The following MYO1E variants were observed in gnomAD, a reference collection of about 807,000 sequenced individuals.
The protein encoded by MYO1E is myosin IE.
In MYO1E, 68 loss-of-function variants were observed where a neutral mutation model predicts 151.1. The ratio of observed to expected loss-of-function variants is 0.45; its 90% CI spans 0.37 to 0.55. The LOEUF is 0.55. Among genes scored for constraint, MYO1E ranks in the 20% least tolerant of loss-of-function variants. The pLI is 0.00. For missense variants in MYO1E, 1,363 were observed against 1,389.3 expected, an observed-to-expected ratio of 0.98 and a Z score of 0.30; for synonymous variants, 601 against 501.7, an observed-to-expected ratio of 1.20 and a Z score of -2.64.
In MYO1E at chr15:59,325,161, G is replaced by A. The variant is rs1035488572; in HGVS notation, c.3+47337C>T. ...GCGATTCTCCTGCCTCAGCCCTTCCGAGGAGCTGTGACTACAGGCGCCCGT... is the reference window on the plus strand; with the variant it reads ...GCGATTCTCCTGCCTCAGCCCTTCCAAGGAGCTGTGACTACAGGCGCCCGT... On this transcript the variant is annotated intron_variant, in intron 1 of 27. Coordinates refer to ENST00000288235, the MANE Select transcript of MYO1E (RefSeq NM_004998.4). Among the ~76,000 whole-genome samples the A allele has an allele frequency of 7.2e-5, 11 of 151,970 alleles. No homozygotes were observed. The South Asian group carries it at 8.3e-4, about 12-fold the overall frequency.
intron 1 of MYO1E, among the ~76,000 whole-genome samples, chr15:59,351,150 C>T (rs1445357718): frequency 3.9e-5 from 6 of 152,182 alleles, no homozygotes; most frequent in African/African-American, 9.7e-5. Flanking sequence ...CGGCCCACCT[C>T]GGCCTCCCAA....
Position 59,208,783 on chromosome 15 carries a change from C to T in MYO1E, c.1428G>A (p.Gly476=), listed in dbSNP as rs2079857680. The change falls in exon 14 of 28, where the codon GGG becomes GGA. Residue 476 remains glycine, a synonymous_variant. Transcript: ENST00000288235. ...GTTTCTGGAGCAGCGTCTGATCTGC[C>T]CCCTCACCCACCGCATGCATCGTGG... ...VCATMHAVGE[G]ADQTLLQKLQ... 6.2e-7 allele frequency: 1 copy of T among 1,614,170 alleles called. No individual in the cohort carries two copies. Among genetic ancestry groups the T allele is most frequent in the Non-Finnish European group, 8.5e-7 (1 of 1,180,024 alleles).
At position 59,140,833 on chromosome 15, in the gene MYO1E, G is replaced by A. The variant is rs905522396; in HGVS notation, c.3081-2466C>T. 4.6e-5 allele frequency among the ~76,000 whole-genome samples: 7 copies of A among 152,238 alleles called. No homozygotes were observed. The South Asian group carries it at 8.3e-4, about 18-fold the overall frequency. On this transcript the variant is annotated intron_variant, in intron 26 of 27. Transcript: ENST00000288235. Reference sequence around the variant, plus strand: ...AGACTCGGCTTTTACACCACCCCACGTGGGAGGGAGCAATCCTCAAGGCTA... The same window carrying A: ...AGACTCGGCTTTTACACCACCCCACATGGGAGGGAGCAATCCTCAAGGCTA...
At chr15:59,259,251 A>G (rs1215768651) in intron 3 of MYO1E, among the ~76,000 whole-genome samples, 1 of 152,218 alleles carries the variant, frequency 6.6e-6, no homozygotes, top group African/African-American at 2.4e-5. Flanking sequence ...ATTGGAACAA[A>G]GACTCTAGGT....
intron 14 of MYO1E, among the ~76,000 whole-genome samples, chr15:59,206,166 G>A (rs1242943464): frequency 6.6e-6 from 1 of 152,096 alleles, no homozygotes; most frequent in Non-Finnish European, 1.5e-5. Flanking sequence ...AACACCAAAA[G>A]TGCACTCTGG....
chr15:59,167,674 TTTTA>T (rs1297286442), intron 22 of MYO1E, among the ~76,000 whole-genome samples: 1 of 152,070 alleles, frequency 6.6e-6, no homozygotes, highest in Non-Finnish European at 1.5e-5. Flanking sequence ...TCACTTTAAT[TTTTA>T]TTTATTTATT....
intron 1 of MYO1E, among the ~76,000 whole-genome samples, chr15:59,307,284 C>T (rs1390730369): frequency 6.6e-6 from 1 of 152,188 alleles, no homozygotes. Flanking sequence ...TAGGCTACCT[C>T]ACCAGATCCC....
chr15:59,367,306 C>T lies in MYO1E; in HGVS notation c.3+5192G>A, dbSNP rs145550065. On this transcript the variant is annotated intron_variant, in intron 1 of 27. Coordinates refer to ENST00000288235, the MANE Select transcript of MYO1E (RefSeq NM_004998.4). Reference sequence around the variant, plus strand: ...TTGTATTCTAAGTTATCAGAATGCACGCCGCTGCTCATTATCTAACCCTCA... The same window carrying T: ...TTGTATTCTAAGTTATCAGAATGCATGCCGCTGCTCATTATCTAACCCTCA... 8.6e-4 allele frequency among the ~76,000 whole-genome samples: 131 copies of T among 152,298 alleles called. 1 individual carries two copies. The highest frequency in any genetic ancestry group is 2.7e-3 in the African/African-American group (114 of 41,554).
intron 26 of MYO1E, among the ~76,000 whole-genome samples, chr15:59,151,442 A>G (rs546700804): frequency 1.4e-5 from 2 of 147,598 alleles, no homozygotes; most frequent in Non-Finnish European, 3.0e-5. Flanking sequence ...CAAACAAAAA[A>G]CCCCCCCCAA....
At chr15:59,362,002 A>G (rs2080888319) in intron 1 of MYO1E, among the ~76,000 whole-genome samples, 1 of 151,736 alleles carries the variant, frequency 6.6e-6, no homozygotes, top group Non-Finnish European at 1.5e-5. Context: ...ACGCCAGGCT[A>G]ATTTTTGTAT....
chr15:59,161,305 G>C (rs2079537033), intron 23 of MYO1E, 75 bp from the exon 24 acceptor site: 2 of 1,505,078 alleles, frequency 1.3e-6, no homozygotes, highest in Admixed American at 1.9e-5. Flanking sequence ...CCGCCACGGA[G>C]TTCTGCTGCT....
intron 1 of MYO1E, among the ~76,000 whole-genome samples, chr15:59,277,651 A>G (rs2080329199): frequency 6.6e-6 from 1 of 152,192 alleles, no homozygotes; most frequent in African/African-American, 2.4e-5. Context: ...CAAAAGATAC[A>G]TGTGCAAGGT....
intron 1 of MYO1E, among the ~76,000 whole-genome samples, chr15:59,328,510 T>C (rs2080680010): frequency 1.3e-5 from 2 of 149,376 alleles, no homozygotes; most frequent in East Asian, 2.0e-4. Context: ...AGTTGTGTTG[T>C]TGGTATCTCT....
intron 10 of MYO1E, 128 bp from the exon 11 acceptor site, chr15:59,214,848 G>C (rs866911425): frequency 1.3e-6 from 1 of 767,006 alleles, no homozygotes; most frequent in Non-Finnish European, 2.3e-6. Flanking sequence ...GAGGACAAGT[G>C]AAGGCAGGAG....
At chr15:59,230,215 A>ATGTGT in intron 6 of MYO1E, among the ~76,000 whole-genome samples, 1 of 118,346 alleles carries the variant, frequency 8.4e-6, no homozygotes, top group Non-Finnish European at 1.7e-5. Flanking sequence ...AGAGAGAGAC[A>ATGTGT]GTGTGTGTTT....
intron 1 of MYO1E, among the ~76,000 whole-genome samples, chr15:59,333,349 C>T (rs2080709236): frequency 6.6e-6 from 1 of 152,162 alleles, no homozygotes; most frequent in Admixed American, 6.5e-5. Context: ...AAGTGATCCT[C>T]CACCACAGCA....
At chr15:59,353,054 A>C (rs80342019) in intron 1 of MYO1E, among the ~76,000 whole-genome samples, 3,066 of 152,304 alleles carry the variant, frequency 0.02, 48 homozygotes, top group African/African-American at 0.043. Context: ...ACCTAGATCT[A>C]GCCAACGGCA....
chr15:59,313,983 G>A (rs1261179945), intron 1 of MYO1E, among the ~76,000 whole-genome samples: 3 of 152,224 alleles, frequency 2.0e-5, no homozygotes. Flanking sequence ...GTGGCCTCCT[G>A]CCAGCTAAAC....
rs2079526008 is a variant in MYO1E, at chr15:59,159,436, G to A, written c.2786-1057C>T. ...AGGCCTCTGCCTTCCAGTGGGGTGA[G>A]GCCTATAGGCCAGGCCAACAGGAGG... On this transcript the variant is annotated intron_variant, in intron 24 of 27. Coordinates refer to ENST00000288235, the MANE Select transcript of MYO1E (RefSeq NM_004998.4). The surrounding 1 kb of genome is among the most constrained non-coding windows in gnomAD (Gnocchi z 4.4). Among the ~76,000 whole-genome samples, 1 of 152,250 alleles carries A rather than the reference G, an allele frequency of 6.6e-6. No individual in the cohort carries two copies. The highest frequency in any genetic ancestry group is 1.5e-5 in the Non-Finnish European group (1 of 68,052).
Sources: allele counts gnomAD v4.1 joint callset (sites outside exome capture counted in the v4.1 genomes callset), GRCh38; gene constraint gnomAD v4.1.1; non-coding constraint Gnocchi (gnomAD v3.1); transcripts MANE v1.5; gene names NCBI Gene and HGNC (gene_info 2026-07-23, HGNC 2026-07-21).